The following SPATA25 variants were observed in gnomAD, a reference collection of about 807,000 sequenced individuals.
SPATA25 encodes the protein spermatogenesis associated 25.
SPATA25 carries 16 observed loss-of-function variants against 16.0 expected under a neutral mutation model. The ratio of observed to expected loss-of-function variants is 1.00; its 90% CI spans 0.68 to 1.52. The LOEUF is 1.52. SPATA25 is among the 40% of genes most tolerant of loss of function. The probability of loss-of-function intolerance (pLI) is 0.00; values close to 1 mark genes in which losing one functional copy is unlikely to be tolerated. For synonymous variants in SPATA25, 115 were observed against 118.5 expected, an observed-to-expected ratio of 0.97 and a Z score of 0.19; for missense variants, 285 against 289.2, an observed-to-expected ratio of 0.99 and a Z score of 0.11.
upstream of SPATA25, chr20:45,888,581 TTCTAAACGAAGTGAC>T (rs1986571716): frequency 1.6e-6 from 1 of 621,262 alleles, no homozygotes; most frequent in African/African-American, 1.8e-5. Context: ...CCTGCAGTGA[TTCTAAACGAAGTGAC>T]TCTCATAGGC....
rs79893896 is a variant in SPATA25 at position 45,887,263 on chromosome 20, T to A, written c.56-118A>T. ...AACTAAGACCAGCCCCAGCGGACTGTCTAGAGGTTGGGAACTAGGTGTTAC... is the reference window on the plus strand; with the variant it reads ...AACTAAGACCAGCCCCAGCGGACTGACTAGAGGTTGGGAACTAGGTGTTAC... On this transcript the variant is annotated intron_variant, in intron 1 of 1. Coordinates refer to ENST00000372519, the MANE Select transcript of SPATA25 (RefSeq NM_080608.4). 1.1e-3 allele frequency: 1,441 copies of A among 1,300,866 alleles called. 57 individuals are homozygous for A. In the East Asian group the frequency reaches 0.035, roughly 31 times the overall value. 80.6% of individuals were successfully genotyped at this position (1,300,866 alleles called of 1,614,324 possible).
upstream of SPATA25, chr20:45,890,539 C>T (rs769677090): frequency 5.0e-6 from 8 of 1,609,150 alleles, no homozygotes; most frequent in Non-Finnish European, 6.8e-6. Context: ...GAATGCGAAA[C>T]TGCTCAATGC....
At chr20:45,890,214 C>T (rs1460000644), upstream of SPATA25, 23 of 1,612,826 alleles carry the variant, frequency 1.4e-5, no homozygotes, top group Non-Finnish European at 2.0e-5. Context: ...AGTCCCCACA[C>T]TGAGCCAGGA....
chr20:45,888,167 G>T (rs781654999), upstream of SPATA25, among the ~76,000 whole-genome samples: 1 of 152,064 alleles, frequency 6.6e-6, no homozygotes, highest in Non-Finnish European at 1.5e-5. Flanking sequence ...ACAGGAACCT[G>T]CCACCACACC....
chr20:45,887,501 C>T (rs762636726), intron 1 of SPATA25, 35 bp downstream of exon 1: 44 of 1,607,970 alleles, frequency 2.7e-5, no homozygotes, highest in South Asian at 4.4e-5. Flanking sequence ...GGGAAGCTGC[C>T]GCACTCCCTC....
upstream of SPATA25, chr20:45,890,593 C>A: frequency 6.2e-7 from 1 of 1,612,350 alleles, no homozygotes; most frequent in Middle Eastern, 1.7e-4. Flanking sequence ...GGCTGGGGGC[C>A]GCTGCCTCCG....
Position 45,886,866 on chromosome 20 carries a change from C to G in SPATA25, c.335G>C (p.Arg112Thr), listed in dbSNP as rs1309133411. 3 of 1,613,940 alleles carry G rather than the reference C, an allele frequency of 1.9e-6. No individual in the cohort carries two copies. The highest frequency in any genetic ancestry group is 1.7e-6 in the Non-Finnish European group (2 of 1,180,056). ...GCTGGGGCCACCCAGGTCAGGGGCTCTGCTTCTGGAGTAGCCATTGTCCCA... is the reference window on the plus strand; with the variant it reads ...GCTGGGGCCACCCAGGTCAGGGGCTGTGCTTCTGGAGTAGCCATTGTCCCA... Reference protein sequence around the residue: ...LGWDNGYSRSRAPDLGGPSRP... With the variant: ...LGWDNGYSRSTAPDLGGPSRP... The change falls in exon 2 of 2, where the codon AGA (arginine) becomes ACA (threonine). Residue 112 changes from arginine (R) to threonine (T), a missense_variant. By Grantham distance (71) the Arg-to-Thr change is moderately conservative (BLOSUM62 -1). Transcript: ENST00000372519.
At chr20:45,887,661 G>A, upstream of SPATA25, 1 of 1,471,140 alleles carries the variant, frequency 6.8e-7, no homozygotes, top group Non-Finnish European at 9.5e-7. Context: ...CACCCTTCTA[G>A]AATGTCACCT....
At chr20:45,889,458 T>A (rs1288831821), upstream of SPATA25, among the ~76,000 whole-genome samples, 2 of 152,062 alleles carry the variant, frequency 1.3e-5, no homozygotes, top group Non-Finnish European at 2.9e-5. Context: ...GCTCAAGCGA[T>A]CCTCCTGCCT....
At chr20:45,890,418 C>G, upstream of SPATA25, 1 of 1,611,618 alleles carries the variant, frequency 6.2e-7, no homozygotes, top group Non-Finnish European at 8.5e-7. Context: ...CAAAAGAGGA[C>G]ACCCAGGCGG....
At chr20:45,890,822 C>T (rs762225358), upstream of SPATA25, 2 of 1,573,364 alleles carry the variant, frequency 1.3e-6, no homozygotes, top group Admixed American at 1.8e-5. Context: ...CAGCGGCTCG[C>T]GGCTGAAGCA....
At position 45,886,817 on chromosome 20, in the gene SPATA25, A is replaced by C. The variant is rs1276899489; in HGVS notation, c.384T>G (p.Cys128Trp). 1.2e-6 allele frequency: 2 copies of C among 1,613,938 alleles called. No homozygotes were observed. The highest frequency in any genetic ancestry group is 1.1e-5 in the South Asian group (1 of 91,092). ...GPSRPRPLML[C>W]GLSPRVLPVP... ...CCGGTAGAACCCGTGGTGACAGCCC[A>C]CACAGCATCAGGGGCCTAGGCCTGC... The change falls in exon 2 of 2, where the codon TGT (cysteine) becomes TGG (tryptophan). Residue 128 changes from cysteine to tryptophan, a missense_variant. Physicochemically the swap from Cys to Trp is radical, Grantham distance 215. Transcript: ENST00000372519.
Position 45,886,832 on chromosome 20 carries a change from C to T in SPATA25, c.369G>A (p.Arg123=). ...APDLGGPSRP[R]PLMLCGLSPR... is the part of the protein sequence containing the mutation. ...GTGACAGCCCACACAGCATCAGGGG[C>T]CTAGGCCTGCTGGGGCCACCCAGGT... is the stretch of plus-strand genomic sequence containing the variant. Residue 123 remains arginine (R), a synonymous_variant, in exon 2 of 2, where the codon AGG becomes AGA. Transcript: ENST00000372519. 3.1e-6 allele frequency: 5 copies of T among 1,613,902 alleles called. No homozygotes were observed. Among genetic ancestry groups the T allele is most frequent in the Non-Finnish European group, 4.2e-6 (5 of 1,180,042 alleles).
In SPATA25 at chr20:45,887,610, T is replaced by G. The variant is rs755619878; in HGVS notation, c.-20A>C. On this transcript the variant is annotated 5_prime_UTR_variant, in exon 1 of 2. Transcript: ENST00000372519. ...GGACATGGCTTCCCCAAAGCCCCGGTTTGTGAGGGAATAGTGATCTGCCGC... is the reference window on the plus strand; with the variant it reads ...GGACATGGCTTCCCCAAAGCCCCGGGTTGTGAGGGAATAGTGATCTGCCGC... 5 of 1,612,344 alleles carry G rather than the reference T, an allele frequency of 3.1e-6. No individual in the cohort carries two copies. The Admixed American group carries it at 6.7e-5, about 22-fold the overall frequency.
At chr20:45,890,948 C>A (rs1323353002), upstream of SPATA25, 1 of 1,515,148 alleles carries the variant, frequency 6.6e-7, no homozygotes. Context: ...GCGCTCGAGT[C>A]CCCAGAGTGC....
upstream of SPATA25, chr20:45,888,618 G>T: frequency 1.3e-6 from 1 of 773,604 alleles, no homozygotes; most frequent in South Asian, 1.7e-5. Context: ...GTAGGGGCAA[G>T]GAGACCTTCC....
In SPATA25 at chr20:45,887,066, G is replaced by T. The variant is rs555533241; in HGVS notation, c.135C>A (p.Gly45=). The T allele has an allele frequency of 4.0e-5, 65 of 1,608,048 alleles. No individual in the cohort carries two copies. In the Admixed American group the frequency reaches 8.0e-4, roughly 20 times the overall value. The change falls in exon 2 of 2, where the codon GGC becomes GGA. Residue 45 remains glycine, a synonymous_variant. Coordinates refer to ENST00000372519, the MANE Select transcript of SPATA25 (RefSeq NM_080608.4). ...EPVVVASGGT[G]PLSQKAEQVA... The stretch of plus-strand genomic sequence containing the variant: ...CCTGCTCAGCTTTCTGGCTCAGTGG[G>T]CCTGTTCCACCAGAGGCCACCACCA...
chr20:45,890,385 C>T (rs1250573517), upstream of SPATA25: 3 of 1,612,752 alleles, frequency 1.9e-6, no homozygotes, highest in South Asian at 2.2e-5. Flanking sequence ...ATGTGCATGT[C>T]GGCCGTGCCA....
chr20:45,889,875 A>G (rs1316622990), upstream of SPATA25, among the ~76,000 whole-genome samples: 1 of 151,990 alleles, frequency 6.6e-6, no homozygotes, highest in Non-Finnish European at 1.5e-5. Flanking sequence ...CCCCCTCCCA[A>G]AGTGCTGGGA....
Sources: allele counts gnomAD v4.1 joint callset (sites outside exome capture counted in the v4.1 genomes callset), GRCh38; gene constraint gnomAD v4.1.1; transcripts MANE v1.5; gene names NCBI Gene and HGNC (gene_info 2026-07-23, HGNC 2026-07-21).